TMEM255B: variants seen among roughly 807,000 people sequenced by gnomAD.
TMEM255B encodes the protein family with sequence similarity 70, member B.
Under a neutral mutation model 34.5 loss-of-function variants are expected in TMEM255B, and 35 were observed. That is an observed-to-expected ratio of 1.01 (90% CI 0.77 to 1.34). The LOEUF is 1.34. Among genes scored for constraint, TMEM255B ranks in the 40% most tolerant of loss-of-function variants. The pLI is 0.00. For synonymous variants in TMEM255B, 206 were observed against 201.2 expected (o/e 1.02, Z -0.20); for missense variants, 432 against 433.2 (o/e 1.00, Z 0.02).
chr13:113,761,422 G>A, intron 1 of TMEM255B: 1 of 965,670 alleles, frequency 1.0e-6, no homozygotes, highest in Non-Finnish European at 1.2e-6. Context: ...CCAGGAAGGG[G>A]AGAGCAGGTG....
At position 113,770,242 on chromosome 13, in the gene TMEM255B, C is replaced by T. The variant is rs58333234; in HGVS notation, c.252+1082C>T. ...GCAGCAGGCAAAGACAGAGCCTGTG[C>T]AGGGAAACTCCCCCTTGTAATAACC... is the stretch of plus-strand genomic sequence containing the variant. On this transcript the variant is annotated intron_variant, in intron 3 of 8. Transcript: ENST00000375353. This position sits in a 1 kb window ranked among gnomAD's most constrained non-coding sequence, Gnocchi z 4.6. Among the ~76,000 whole-genome samples the T allele has an allele frequency of 0.16, 24,898 of 152,126 alleles. 2,237 individuals carry two copies. Among genetic ancestry groups the T allele is most frequent in the Middle Eastern group, 0.24 (71 of 294 alleles).
intron 7 of TMEM255B, among the ~76,000 whole-genome samples, chr13:113,803,619 A>C (rs2051105968): frequency 8.5e-6 from 1 of 118,290 alleles, no homozygotes. Flanking sequence ...CCACCCCTCT[A>C]CCTGTCAGAA....
chr13:113,765,225 A>C (rs2050370041), intron 1 of TMEM255B, among the ~76,000 whole-genome samples: 1 of 152,216 alleles, frequency 6.6e-6, no homozygotes, highest in Non-Finnish European at 1.5e-5. Flanking sequence ...CAGCTGGATA[A>C]AAATGACTCT....
chr13:113,761,189 C>G lies in TMEM255B; in HGVS notation c.46+1874C>G, dbSNP rs369331159. The G allele has an allele frequency of 8.6e-4, 846 of 985,338 alleles. 17 individuals carry two copies. The South Asian group carries it at 0.036, about 42-fold the overall frequency. 61.0% of individuals were successfully genotyped at this position (985,338 alleles called of 1,614,324 possible). A position where few individuals can be genotyped will look rare whatever the true frequency, so the allele number is the denominator to read the frequency against. ...AATGGAACTCACTCTTCTTTTTGGG[C>G]GTTCCAGGTCCGGCTGGCAGGAAGG... On this transcript the variant is annotated intron_variant, in intron 1 of 8. Transcript: ENST00000375353.
In TMEM255B at chr13:113,770,071, T is replaced by C. The variant is rs950612558; in HGVS notation, c.252+911T>C. 1.3e-5 allele frequency among the ~76,000 whole-genome samples: 2 copies of C among 152,116 alleles called. No individual in the cohort carries two copies. Among genetic ancestry groups the C allele is most frequent in the African/African-American group, 4.8e-5 (2 of 41,418 alleles). On this transcript the variant is annotated intron_variant, in intron 3 of 8. Transcript: ENST00000375353. This position sits in a 1 kb window ranked among gnomAD's most constrained non-coding sequence, Gnocchi z 4.6. ...CCTCGGAACCCTGTATGTTAGTCTG[T>C]TTTCACACTGCTGATAAAGACGTAC...
intron 3 of TMEM255B, among the ~76,000 whole-genome samples, chr13:113,773,450 A>G (rs888405919): frequency 2.0e-5 from 3 of 152,218 alleles, no homozygotes; most frequent in African/African-American, 7.2e-5. Flanking sequence ...GTAAAAACAC[A>G]TGGGTACTGG....
At chr13:113,808,659 A>G (rs1012161770) in intron 8 of TMEM255B, among the ~76,000 whole-genome samples, 1 of 131,772 alleles carries the variant, frequency 7.6e-6, no homozygotes, top group African/African-American at 3.0e-5. Context: ...GTGATTCCTG[A>G]GGGTTTAACT....
intron 3 of TMEM255B, among the ~76,000 whole-genome samples, chr13:113,794,201 C>G (rs1440486221): frequency 6.6e-6 from 1 of 152,188 alleles, no homozygotes; most frequent in Non-Finnish European, 1.5e-5. Flanking sequence ...GTCGGGGTGC[C>G]TCTGCCGGGC....
intron 3 of TMEM255B, among the ~76,000 whole-genome samples, chr13:113,794,531 A>C (rs1354461469): frequency 2.0e-5 from 3 of 152,088 alleles, no homozygotes; most frequent in Admixed American, 2.0e-4. Flanking sequence ...CAAGCCAGGC[A>C]CCGAGAAAAG....
intron 3 of TMEM255B, among the ~76,000 whole-genome samples, chr13:113,778,678 G>C (rs2050619599): frequency 6.6e-6 from 1 of 151,978 alleles, no homozygotes; most frequent in Non-Finnish European, 1.5e-5. Context: ...TCCTGGGTGA[G>C]TCTCGATTTC....
At chr13:113,759,976 G>T (rs1001134982) in intron 1 of TMEM255B, among the ~76,000 whole-genome samples, 1 of 152,336 alleles carries the variant, frequency 6.6e-6, no homozygotes, top group African/African-American at 2.4e-5. Context: ...GGGCTCGGGG[G>T]CTCTGCCGGG....
At position 113,811,695 on chromosome 13, in the gene TMEM255B, G is replaced by A. The variant is rs760110307; in HGVS notation, c.814-41G>A. The stretch of plus-strand genomic sequence containing the variant: ...GCTTCCCTGTGGTCCGGCACGGGGT[G>A]GTCTCACCTGCTAACCCAGGGCCCT... On this transcript the variant is annotated intron_variant, in intron 8 of 8. Coordinates refer to ENST00000375353, the MANE Select transcript of TMEM255B (RefSeq NM_182614.4). 6.8e-6 allele frequency: 11 copies of A among 1,610,468 alleles called. No homozygotes were observed. In the South Asian group the frequency reaches 7.7e-5, roughly 11 times the overall value.
intron 4 of TMEM255B, among the ~76,000 whole-genome samples, chr13:113,796,309 A>G (rs2050934494): frequency 6.9e-6 from 1 of 145,960 alleles, no homozygotes; most frequent in Non-Finnish European, 1.5e-5. Flanking sequence ...CACACAGAGT[A>G]CACACCTCAC....
intron 6 of TMEM255B, among the ~76,000 whole-genome samples, 161 bp from the exon 7 acceptor site, chr13:113,801,490 CAT>C (rs2051059387): frequency 6.6e-6 from 1 of 152,248 alleles, no homozygotes; most frequent in Admixed American, 6.5e-5. Flanking sequence ...TCCCATCAGA[CAT>C]AGGTTTGATC....
chr13:113,763,486 G>T (rs1010747300), intron 1 of TMEM255B, among the ~76,000 whole-genome samples: 1 of 151,928 alleles, frequency 6.6e-6, no homozygotes, highest in African/African-American at 2.4e-5. Context: ...CCTGTCTCTC[G>T]GGCAAACGAC....
At chr13:113,774,937 A>ACACACTG (rs2050545570) in intron 3 of TMEM255B, among the ~76,000 whole-genome samples, 1 of 149,766 alleles carries the variant, frequency 6.7e-6, no homozygotes, top group South Asian at 2.2e-4. Context: ...CTCACACCAC[A>ACACACTG]CACACTGCAC....
rs557726431 is a variant in TMEM255B at position 113,804,987 on chromosome 13, G to C, written c.772G>C (p.Glu258Gln). Residue 258 changes from glutamate (E) to glutamine (Q), a missense_variant, in exon 8 of 9, where the codon GAG becomes CAG. Coordinates refer to ENST00000375353, the MANE Select transcript of TMEM255B (RefSeq NM_182614.4). ...LAYAGFRLTP[E>Q]PVPTCSSYPL... ...CTACGCAGGCTTCCGCCTGACGCCC[G>C]AGCCCGTCCCGACCTGCTCGTCCTA... 1.2e-6 allele frequency: 2 copies of C among 1,606,478 alleles called. No homozygotes were observed. The highest frequency in any genetic ancestry group is 1.3e-5 in the African/African-American group (1 of 74,912).
At chr13:113,805,919 CAG>C (rs1320112781) in intron 8 of TMEM255B, among the ~76,000 whole-genome samples, 1 of 152,200 alleles carries the variant, frequency 6.6e-6, no homozygotes, top group African/African-American at 2.4e-5. Flanking sequence ...GCAGCCTCTG[CAG>C]AGAGAGCTGT....
At chr13:113,794,825 G>A (rs8002740) in intron 3 of TMEM255B, among the ~76,000 whole-genome samples, 42 of 152,358 alleles carry the variant, frequency 2.8e-4, no homozygotes, top group Admixed American at 9.8e-4. Context: ...ATGTGTGTGC[G>A]TGTGATGAGC....
Sources: gnomAD v4.1 joint callset for allele counts (sites outside exome capture counted in the v4.1 genomes callset) on GRCh38, gnomAD v4.1.1 for gene constraint, Gnocchi (gnomAD v3.1) non-coding constraint, MANE v1.5 for transcripts, NCBI Gene and HGNC (gene_info 2026-07-23, HGNC 2026-07-21) for gene names.